Variants in TENM4 observed in about 807,000 individuals in gnomAD.
The protein encoded by TENM4 is teneurin-4.
Under a neutral mutation model 243.3 loss-of-function variants are expected in TENM4, and 82 were observed. The observed-to-expected ratio is 0.34, with a 90% CI of 0.28 to 0.40. The LOEUF (loss-of-function observed/expected upper bound fraction) is 0.40. Ranked by LOEUF, TENM4 falls within the 10% of genes least tolerant of loss-of-function variation. The pLI, the probability that TENM4 is intolerant of heterozygous loss-of-function variation, is 1.00. For missense variants in TENM4, 3,138 were observed against 3,673.3 expected (o/e 0.85, Z 3.77); for synonymous variants, 1,412 against 1,456.3 (o/e 0.97, Z 0.69).
At chr11:78,663,104 C>T (rs1054488259) in intron 32 of TENM4, among the ~76,000 whole-genome samples, 3 of 152,272 alleles carry the variant, frequency 2.0e-5, no homozygotes, top group South Asian at 4.2e-4. Flanking sequence ...GGGAGGTGAA[C>T]TGGGGCCAGA....
chr11:78,875,490 C>T (rs565180078), intron 9 of TENM4, among the ~76,000 whole-genome samples: 1 of 152,270 alleles, frequency 6.6e-6, no homozygotes, highest in East Asian at 1.9e-4. Flanking sequence ...AGGTGTAAGC[C>T]ACTGTGCCCA....
Position 79,148,778 on chromosome 11 carries a change from A to C in TENM4, c.-134T>G. 3 of 982,882 alleles carry C rather than the reference A, an allele frequency of 3.1e-6. No individual in the cohort carries two copies. Among genetic ancestry groups the C allele is most frequent in the Non-Finnish European group, 3.6e-6 (3 of 827,354 alleles). The allele number at this position is 982,882 out of a possible 1,614,324, so 60.9% of individuals were successfully genotyped here. ...AATAATCCTTGAAGTATGCAATTTT[A>C]ATTTGGACACATGGTAATTTCAGTC... On this transcript the variant is annotated 5_prime_UTR_variant, in exon 4 of 34. The change creates a new upstream start codon in the 5' untranslated region. Transcript: ENST00000278550.
intron 2 of TENM4, among the ~76,000 whole-genome samples, chr11:79,248,328 T>C (rs1438689867): frequency 6.6e-6 from 1 of 152,228 alleles, no homozygotes; most frequent in Non-Finnish European, 1.5e-5. Context: ...TCCTGAAGGT[T>C]CACACAGTTC....
At chr11:79,434,043 T>C (rs1189426196) in intron 1 of TENM4, among the ~76,000 whole-genome samples, 1 of 152,214 alleles carries the variant, frequency 6.6e-6, no homozygotes. Flanking sequence ...CTGGTTCCAC[T>C]GAATTCTTTG....
At chr11:79,314,120 C>T (rs1856766100) in intron 1 of TENM4, among the ~76,000 whole-genome samples, 1 of 152,186 alleles carries the variant, frequency 6.6e-6, no homozygotes, top group Non-Finnish European at 1.5e-5. Context: ...AAATCCAGCT[C>T]AGCCACTTTC....
rs754525655 is a variant in TENM4, at chr11:78,670,445, T to C, written c.5900A>G (p.Glu1967Gly). ...GTAGTAGCCCACTGAGCGGATGGTC[T>C]CTAGTGTCTGCCGCGCCACGTTGGG... is the stretch of plus-strand genomic sequence containing the variant. ...TMPNVARQTL[E>G]TIRSVGYYRN... Residue 1967 changes from glutamate to glycine, a missense_variant, in exon 32 of 34, where the codon GAG becomes GGG. By Grantham distance (98) the Glu-to-Gly change is moderately conservative. Around this residue, in one of 2 missense-constraint regions of TENM4, gnomAD observed 2,467 missense variants for 3,059.1 expected, o/e 0.81. Coordinates refer to ENST00000278550, the MANE Select transcript of TENM4 (RefSeq NM_001098816.3). 2 of 1,613,892 alleles carry C rather than the reference T, an allele frequency of 1.2e-6. No individual in the cohort carries two copies. The highest frequency in any genetic ancestry group is 3.3e-5 in the Admixed American group (2 of 60,000).
intron 15 of TENM4, among the ~76,000 whole-genome samples, chr11:78,788,251 C>T (rs867365281): frequency 6.6e-6 from 1 of 152,238 alleles, no homozygotes; most frequent in African/African-American, 2.4e-5. Context: ...TACCAATCTA[C>T]AAGACAATGA....
intron 6 of TENM4, among the ~76,000 whole-genome samples, chr11:79,038,112 T>C (rs968673252): frequency 6.6e-6 from 1 of 152,254 alleles, no homozygotes; most frequent in Non-Finnish European, 1.5e-5. Context: ...CTGAGACATC[T>C]GTTTTGTTCA....
chr11:78,824,334 G>C (rs930469700), intron 12 of TENM4, among the ~76,000 whole-genome samples: 1 of 152,120 alleles, frequency 6.6e-6, no homozygotes, highest in Non-Finnish European at 1.5e-5. Flanking sequence ...CATGGAGCAA[G>C]AGCACAAAAG....
intron 2 of TENM4, among the ~76,000 whole-genome samples, chr11:79,219,506 G>T (rs1864117761): frequency 6.6e-6 from 1 of 152,204 alleles, no homozygotes; most frequent in Non-Finnish European, 1.5e-5. Flanking sequence ...GCTATTAGGT[G>T]CTTTGATGTT....
At chr11:79,133,135 C>T (rs1321990006) in intron 4 of TENM4, among the ~76,000 whole-genome samples, 1 of 152,048 alleles carries the variant, frequency 6.6e-6, no homozygotes, top group African/African-American at 2.4e-5. Flanking sequence ...GAGAGAAAAT[C>T]CAAATAACCT....
intron 28 of TENM4, among the ~76,000 whole-genome samples, chr11:78,693,082 C>T (rs978061844): frequency 6.6e-6 from 1 of 152,154 alleles, no homozygotes; most frequent in African/African-American, 2.4e-5. Context: ...GTAGACAGTA[C>T]TCAGTACATG....
intron 6 of TENM4, among the ~76,000 whole-genome samples, chr11:78,962,398 T>C (rs1039712180): frequency 6.9e-6 from 1 of 144,872 alleles, no homozygotes; most frequent in Non-Finnish European, 1.5e-5. Context: ...ATAATGAAAA[T>C]TGATTTTGAG....
rs758508335 is a variant in TENM4 at position 78,657,967 on chromosome 11, TA to T, written c.*90del. 87 of 1,590,974 alleles carry T rather than the reference TA, an allele frequency of 5.5e-5. No homozygotes were observed. The highest frequency in any genetic ancestry group is 7.1e-5 in the Non-Finnish European group (82 of 1,161,348). ...AGTATCTTTTTGTTTCTGCACTTGT[TA>T]AAAAATCATTTTTTTAAAAGTACAA... On this transcript the variant is annotated 3_prime_UTR_variant, in exon 34 of 34. Transcript: ENST00000278550.
chr11:79,221,257 T>A (rs1590805075), intron 2 of TENM4: 1 of 152,180 alleles, frequency 6.6e-6, no homozygotes, highest in East Asian at 1.9e-4. Flanking sequence ...ACCCTTCTCC[T>A]GACTCCTGAG....
At chr11:79,273,731 G>A (rs902137464) in intron 2 of TENM4, among the ~76,000 whole-genome samples, 2 of 152,180 alleles carry the variant, frequency 1.3e-5, no homozygotes, top group Non-Finnish European at 1.5e-5. Flanking sequence ...TTGGCTGGCT[G>A]TTCTGAAAGC....
In TENM4 at chr11:78,709,706, CAG is replaced by C. The variant is rs1410251859; in HGVS notation, c.4055-1193_4055-1192del. Among the ~76,000 whole-genome samples, 6 of 152,268 alleles carry C rather than the reference CAG, an allele frequency of 3.9e-5. No homozygotes were observed. In the East Asian group the frequency reaches 9.7e-4, roughly 25 times the overall value. On this transcript the variant is annotated intron_variant, in intron 26 of 33. Coordinates refer to ENST00000278550, the MANE Select transcript of TENM4 (RefSeq NM_001098816.3). ...CACCTTGGGTGATAATGACACAAACCAGAGTCTGAGAACCACTCCACTGTATC... is the reference window on the plus strand; with the variant it reads ...CACCTTGGGTGATAATGACACAAACCAGTCTGAGAACCACTCCACTGTATC...
At chr11:78,686,646 G>C (rs1396708041) in intron 29 of TENM4, among the ~76,000 whole-genome samples, 1 of 152,200 alleles carries the variant, frequency 6.6e-6, no homozygotes, top group Non-Finnish European at 1.5e-5. Flanking sequence ...AGGACACCCA[G>C]CTGGTGTCCA....
At chr11:79,138,845 A>C (rs1377863037) in intron 4 of TENM4, among the ~76,000 whole-genome samples, 4 of 120,122 alleles carry the variant, frequency 3.3e-5, no homozygotes, top group East Asian at 2.3e-4. Flanking sequence ...CATTATATTT[A>C]TATAAATATA....
Sources: allele counts gnomAD v4.1 joint callset (sites outside exome capture counted in the v4.1 genomes callset), GRCh38; gene constraint gnomAD v4.1.1; regional missense constraint gnomAD v4.1.1; transcripts MANE v1.5; gene names NCBI Gene and HGNC (gene_info 2026-07-23, HGNC 2026-07-21).